ORC4: variants seen among roughly 807,000 people sequenced by gnomAD.
ORC4 encodes the protein origin recognition complex, subunit 4 homolog.
ORC4 carries 55 observed loss-of-function variants against 63.9 expected under a neutral mutation model. The ratio of observed to expected loss-of-function variants is 0.86; its 90% CI spans 0.69 to 1.08. The LOEUF is 1.08. Ranked by LOEUF, ORC4 falls within the 50% of genes least tolerant of loss-of-function variation. ORC4 has a pLI of 0.00. For missense variants in ORC4, 511 were observed against 504.4 expected (o/e 1.01, Z -0.13); for synonymous variants, 150 against 168.5 (o/e 0.89, Z 0.85).
chr2:147,989,649 G>T (rs952450469), intron 1 of ORC4, among the ~76,000 whole-genome samples: 1 of 152,148 alleles, frequency 6.6e-6, no homozygotes, highest in African/African-American at 2.4e-5. Context: ...GGAGGTTGCA[G>T]TGAGCCAAGA....
chr2:147,997,242 C>G (rs1308737234), intron 1 of ORC4, among the ~76,000 whole-genome samples: 1 of 152,014 alleles, frequency 6.6e-6, no homozygotes, highest in South Asian at 2.1e-4. Flanking sequence ...ACTAAAAGAT[C>G]AGTGGTTGTC....
chr2:147,976,175 C>T (rs971708251), intron 1 of ORC4, among the ~76,000 whole-genome samples, 200 bp from the exon 2 acceptor site: 1 of 152,056 alleles, frequency 6.6e-6, no homozygotes, highest in Non-Finnish European at 1.5e-5. Flanking sequence ...TTTAGGCACA[C>T]TTTGTTTTAC....
chr2:147,941,679 T>C (rs955638363), intron 10 of ORC4, among the ~76,000 whole-genome samples: 2 of 151,898 alleles, frequency 1.3e-5, no homozygotes, highest in African/African-American at 4.8e-5. Flanking sequence ...TTCATTACCA[T>C]GAATTAAAAA....
intron 1 of ORC4, among the ~76,000 whole-genome samples, chr2:148,010,370 A>G (rs1440210342): frequency 1.3e-5 from 2 of 152,016 alleles, no homozygotes; most frequent in Non-Finnish European, 2.9e-5. Flanking sequence ...AAACAGAAAT[A>G]AAATTGAGAC....
At chr2:147,990,589 GT>G (rs1422398731) in intron 1 of ORC4, among the ~76,000 whole-genome samples, 2 of 152,230 alleles carry the variant, frequency 1.3e-5, no homozygotes, top group African/African-American at 4.8e-5. Flanking sequence ...CTGGTGAGAT[GT>G]TTCCTTGAGT....
chr2:147,956,315 C>G (rs984927092), intron 6 of ORC4, among the ~76,000 whole-genome samples: 1 of 151,952 alleles, frequency 6.6e-6, no homozygotes, highest in African/African-American at 2.4e-5. Flanking sequence ...CATAATTTAC[C>G]GTAATATAAC....
At chr2:147,967,178 AC>A (rs1689943092) in intron 4 of ORC4, among the ~76,000 whole-genome samples, 1 of 152,048 alleles carries the variant, frequency 6.6e-6, no homozygotes, top group Non-Finnish European at 1.5e-5. Context: ...TAGAAAAAAA[AC>A]ACCACAACAC....
In ORC4 at chr2:147,938,128, C is replaced by CAGCAAACTAAATCTT. The variant is rs1688156418; in HGVS notation, c.1122+3_1122+17dup. 1.9e-6 allele frequency: 3 copies of CAGCAAACTAAATCTT among 1,561,608 alleles called. No individual in the cohort carries two copies. Among genetic ancestry groups the CAGCAAACTAAATCTT allele is most frequent in the Admixed American group, 1.7e-5 (1 of 59,708 alleles). ...AATATACTTGTCTGTAGAAAAATGA[C>CAGCAAACTAAATCTT]AGCAAACTAAATCTTACCTTCATGA... On this transcript the variant is annotated intron_variant, in intron 13 of 13. Transcript: ENST00000392857.
intron 9 of ORC4, among the ~76,000 whole-genome samples, chr2:147,943,959 A>G (rs1456896446): frequency 1.3e-5 from 2 of 152,182 alleles, no homozygotes; most frequent in Non-Finnish European, 2.9e-5. Context: ...TACAGGGAAC[A>G]GCATGAGTAG....
chr2:147,999,966 C>G (rs942773464), intron 1 of ORC4, among the ~76,000 whole-genome samples: 3 of 148,828 alleles, frequency 2.0e-5, no homozygotes, highest in Non-Finnish European at 4.5e-5. Context: ...GAAAATTATA[C>G]AGAGATCAAA....
chr2:147,994,983 C>T (rs1248295587), intron 1 of ORC4, among the ~76,000 whole-genome samples: 1 of 152,198 alleles, frequency 6.6e-6, no homozygotes, highest in Non-Finnish European at 1.5e-5. Context: ...TTCTGTCTAG[C>T]TAGAGGACTG....
At chr2:148,005,378 A>C (rs1169190002) in intron 1 of ORC4, among the ~76,000 whole-genome samples, 21 of 152,040 alleles carry the variant, frequency 1.4e-4, no homozygotes, top group Admixed American at 1.4e-3. Context: ...CAGGGAGGGC[A>C]ACATCACACA....
intron 1 of ORC4, among the ~76,000 whole-genome samples, chr2:148,005,518 G>C (rs1692569464): frequency 1.3e-5 from 2 of 151,856 alleles, no homozygotes; most frequent in Admixed American, 6.6e-5. Context: ...ATGTATCCCA[G>C]AACTTAAATT....
Position 147,958,341 on chromosome 2 carries a change from G to A in ORC4, c.344C>T (p.Thr115Ile). 6.2e-7 allele frequency: 1 copy of A among 1,612,344 alleles called. No homozygotes were observed. Among genetic ancestry groups the A allele is most frequent in the Non-Finnish European group, 8.5e-7 (1 of 1,178,870 alleles). ...TACATTTTCCAGATTTAACTGCCTT[G>A]TGATTTCCTTTAGGGCGATTTTGTC... ...INDKIALKEI[T>I]RQLNLENVVG... The change falls in exon 6 of 14, where the codon ACA becomes ATA. Residue 115 changes from threonine (T) to isoleucine (I), a missense_variant. By Grantham distance (89) the Thr-to-Ile change is moderately conservative. Transcript: ENST00000392857.
chr2:147,963,084 T>A (rs773568840), intron 4 of ORC4, among the ~76,000 whole-genome samples: 7 of 152,000 alleles, frequency 4.6e-5, no homozygotes, highest in Non-Finnish European at 7.4e-5. Context: ...CTCCCAAACC[T>A]GACAAACAGC....
At chr2:147,985,625 C>T (rs1455121718) in intron 1 of ORC4, among the ~76,000 whole-genome samples, 5 of 152,156 alleles carry the variant, frequency 3.3e-5, no homozygotes, top group Admixed American at 2.0e-4. Context: ...AACATAAAAG[C>T]CCTCCATTTA....
At chr2:147,967,836 G>A (rs1464869183) in intron 4 of ORC4, among the ~76,000 whole-genome samples, 15 of 151,836 alleles carry the variant, frequency 9.9e-5, no homozygotes, top group Non-Finnish European at 1.5e-5. Context: ...ATGCCAAATC[G>A]CTAAAGCAAT....
chr2:147,991,194 T>C (rs1691569113), intron 1 of ORC4, among the ~76,000 whole-genome samples: 2 of 151,836 alleles, frequency 1.3e-5, no homozygotes, highest in Admixed American at 1.3e-4. Context: ...ATTACAGGCA[T>C]GCGCCACCAC....
intron 1 of ORC4, among the ~76,000 whole-genome samples, chr2:147,979,249 T>TAC (rs1327704225): frequency 1.3e-5 from 2 of 152,146 alleles, no homozygotes; most frequent in African/African-American, 2.4e-5. Context: ...TACTAATACA[T>TAC]ACAGTAAAGT....
Sources: allele counts gnomAD v4.1 joint callset (sites outside exome capture counted in the v4.1 genomes callset), GRCh38; gene constraint gnomAD v4.1.1; transcripts MANE v1.5; gene names NCBI Gene and HGNC (gene_info 2026-07-23, HGNC 2026-07-21).